The following SUSD6 variants were observed in gnomAD, a reference collection of about 807,000 sequenced individuals.
SUSD6 encodes the protein sushi domain containing 6, also known as sushi domain-containing protein 6.
In SUSD6, 16 loss-of-function variants were observed where a neutral mutation model predicts 28.4. The ratio of observed to expected loss-of-function variants is 0.56; its 90% confidence interval spans 0.38 to 0.86. The LOEUF (loss-of-function observed/expected upper bound fraction) is 0.86. SUSD6 is among the 40% of genes least tolerant of loss of function. The pLI is 0.00. For synonymous variants in SUSD6, 147 were observed against 159.6 expected (o/e 0.92, Z 0.59); for missense variants, 341 against 384.2 (o/e 0.89, Z 0.94).
intron 1 of SUSD6, among the ~76,000 whole-genome samples, chr14:69,628,719 G>GTTTT (rs11357371): frequency 8.3e-6 from 1 of 120,352 alleles, no homozygotes. Context: ...CCTGTGGTGG[G>GTTTT]TTTTTTTTTT....
chr14:69,709,038 A>C lies in SUSD6; in HGVS notation c.820A>C (p.Thr274Pro), dbSNP rs1886426119. 1.2e-6 allele frequency: 2 copies of C among 1,613,934 alleles called. No individual in the cohort carries two copies. The highest frequency in any genetic ancestry group is 1.3e-5 in the African/African-American group (1 of 75,040). ...GAACCGCCAACTGGCACACAAAGAA[A>C]CTGCAGATTCAGAGAACAGTGACAT... ...SGNRQLAHKE[T>P]ADSENSDIQS... is the part of the protein sequence containing the mutation. Residue 274 changes from threonine (T) to proline (P), a missense_variant, in exon 5 of 6, where the codon ACT becomes CCT. Thr to Pro is a conservative substitution (Grantham distance 38). Coordinates refer to ENST00000342745, the MANE Select transcript of SUSD6 (RefSeq NM_014734.4).
chr14:69,700,597 C>A (rs1460421903), intron 2 of SUSD6, among the ~76,000 whole-genome samples: 1 of 152,196 alleles, frequency 6.6e-6, no homozygotes, highest in East Asian at 1.9e-4. Flanking sequence ...TTTCCCACTT[C>A]AGTGCATTTA....
At chr14:69,688,705 C>G (rs1438945162) in intron 2 of SUSD6, among the ~76,000 whole-genome samples, 3 of 152,168 alleles carry the variant, frequency 2.0e-5, no homozygotes, top group African/African-American at 7.2e-5. Flanking sequence ...CCCCTTTCCC[C>G]ACTCCACCCT....
chr14:69,631,464 G>A (rs1174488022), intron 1 of SUSD6, among the ~76,000 whole-genome samples: 2 of 152,146 alleles, frequency 1.3e-5, no homozygotes, highest in Admixed American at 6.5e-5. Flanking sequence ...TGTAAGCTTG[G>A]ATAGGTTATT....
In SUSD6 at chr14:69,712,362, C is replaced by G. The variant is rs1257395177; in HGVS notation, c.*1383C>G. ...GAGGAGCCCACTGATGAGGGGCGCT[C>G]TCCCATAGCCATGTGTTGAATGCTA... On this transcript the variant is annotated 3_prime_UTR_variant, in exon 6 of 6. Coordinates refer to ENST00000342745, the MANE Select transcript of SUSD6 (RefSeq NM_014734.4). The G allele has an allele frequency of 6.6e-6, 1 of 152,328 alleles. No individual in the cohort carries two copies. The highest frequency in any genetic ancestry group is 1.5e-5 in the Non-Finnish European group (1 of 68,130). 9.4% of individuals were successfully genotyped at this position (152,328 alleles called of 1,614,324 possible).
chr14:69,649,037 T>A (rs190610169), intron 1 of SUSD6, among the ~76,000 whole-genome samples: 2 of 152,328 alleles, frequency 1.3e-5, no homozygotes, highest in East Asian at 3.9e-4. Flanking sequence ...CTTTCACTTC[T>A]CCCTACTCCC....
intron 1 of SUSD6, among the ~76,000 whole-genome samples, chr14:69,640,155 G>A (rs1885331072): frequency 6.6e-6 from 1 of 150,908 alleles, no homozygotes; most frequent in African/African-American, 2.4e-5. Flanking sequence ...GATGTGTAGA[G>A]ACCCAGGCTG....
chr14:69,703,373 T>C, intron 2 of SUSD6, 22 bp from the exon 3 acceptor site: 1 of 1,603,996 alleles, frequency 6.2e-7, no homozygotes, highest in Non-Finnish European at 8.5e-7. Context: ...ACTGTACCCC[T>C]GCTCTCTCCC....
chr14:69,629,614 C>G (rs937213857), intron 1 of SUSD6, among the ~76,000 whole-genome samples: 1 of 152,206 alleles, frequency 6.6e-6, no homozygotes, highest in African/African-American at 2.4e-5. Flanking sequence ...TCCTTTTCCT[C>G]TCAGGGATGA....
At chr14:69,645,919 T>C (rs1885419842) in intron 1 of SUSD6, among the ~76,000 whole-genome samples, 1 of 152,108 alleles carries the variant, frequency 6.6e-6, no homozygotes, top group South Asian at 2.1e-4. Context: ...CTGGATAATT[T>C]TTGTATTTTT....
intron 2 of SUSD6, among the ~76,000 whole-genome samples, chr14:69,678,196 C>T (rs1280734208): frequency 6.6e-6 from 1 of 151,974 alleles, no homozygotes; most frequent in Admixed American, 6.6e-5. Flanking sequence ...AAGTATGTAA[C>T]CTTCCGTAGC....
intron 2 of SUSD6, among the ~76,000 whole-genome samples, chr14:69,672,581 T>G (rs986829469): frequency 6.6e-6 from 1 of 152,190 alleles, no homozygotes; most frequent in African/African-American, 2.4e-5. Flanking sequence ...TGCATCACAG[T>G]GCTAACTGCC....
At chr14:69,682,947 CTTTTTTTTTTTTTTTT>C (rs5809442) in intron 2 of SUSD6, among the ~76,000 whole-genome samples, 1 of 62,668 alleles carries the variant, frequency 1.6e-5, no homozygotes, top group South Asian at 7.7e-4. Flanking sequence ...TCCAAGAAGC[CTTTTTTTTTTTTTTTT>C]TTTTTTTTCA....
rs1214466095 is a variant in SUSD6 at position 69,711,575 on chromosome 14, C to G, written c.*596C>G. 1 of 152,798 alleles carries G rather than the reference C, an allele frequency of 6.5e-6. No individual in the cohort carries two copies. Among genetic ancestry groups the G allele is most frequent in the Non-Finnish European group, 1.5e-5 (1 of 68,508 alleles). The allele number at this position is 152,798 out of a possible 1,614,324, so 9.5% of individuals were successfully genotyped here. On this transcript the variant is annotated 3_prime_UTR_variant, in exon 6 of 6. Transcript: ENST00000342745. ...GCTCTAATTGGGGTGAGAGTGTAGT[C>G]CCTGGGCTTGCCCTGGGTTGACCCT...
chr14:69,672,760 C>T (rs1215956990), intron 2 of SUSD6, among the ~76,000 whole-genome samples: 1 of 152,210 alleles, frequency 6.6e-6, no homozygotes, highest in Non-Finnish European at 1.5e-5. Flanking sequence ...GTATTGCAGT[C>T]CAGTTTGGCA....
chr14:69,648,793 A>G (rs1176491330), intron 1 of SUSD6, among the ~76,000 whole-genome samples: 1 of 152,246 alleles, frequency 6.6e-6, no homozygotes, highest in East Asian at 1.9e-4. Flanking sequence ...GCTCCTAAAC[A>G]TTCTTTGAGT....
chr14:69,657,457 A>G lies in SUSD6; in HGVS notation c.-80-1056A>G, dbSNP rs556886864. Among the ~76,000 whole-genome samples the G allele has an allele frequency of 1.9e-4, 29 of 152,038 alleles. No homozygotes were observed. The South Asian group carries it at 6.0e-3, about 32-fold the overall frequency. On this transcript the variant is annotated intron_variant, in intron 1 of 5. Transcript: ENST00000342745. ...GCAACAGAGCAAGACTGTGTCTCAA[A>G]AAAAAAACAAAATCAGATCTGGGTA...
intron 1 of SUSD6, among the ~76,000 whole-genome samples, chr14:69,652,518 A>C (rs1048300675): frequency 1.2e-4 from 19 of 152,306 alleles, no homozygotes; most frequent in Admixed American, 9.8e-4. Context: ...GACTTTACCC[A>C]CGCAGCACCT....
In SUSD6 at chr14:69,658,528, G is replaced by A; in HGVS notation, c.-65G>A. The A allele has an allele frequency of 6.4e-7, 1 of 1,569,166 alleles. No homozygotes were observed. Reference sequence around the variant, plus strand: ...TTTGTTACAGGTGAATCAGCTCCCGGCCGACTTTAGGATTCTTCTGGATTT... The same window carrying A: ...TTTGTTACAGGTGAATCAGCTCCCGACCGACTTTAGGATTCTTCTGGATTT... On this transcript the variant is annotated 5_prime_UTR_variant, in exon 2 of 6. Coordinates refer to ENST00000342745, the MANE Select transcript of SUSD6 (RefSeq NM_014734.4).
Sources: allele counts gnomAD v4.1 joint callset (sites outside exome capture counted in the v4.1 genomes callset), GRCh38; gene constraint gnomAD v4.1.1; transcripts MANE v1.5; gene names NCBI Gene and HGNC (gene_info 2026-07-23, HGNC 2026-07-21).